IQCM: variants seen among roughly 807,000 people sequenced by gnomAD.
The protein encoded by IQCM is IQ motif containing M.
IQCM carries 45 observed loss-of-function variants against 57.6 expected under a neutral mutation model. The ratio of observed to expected loss-of-function variants is 0.78; its 90% CI spans 0.62 to 1.00. IQCM has a LOEUF of 1.00. Ranked by LOEUF, IQCM falls within the 50% of genes least tolerant of loss-of-function variation. The pLI, the probability that IQCM is intolerant of heterozygous loss-of-function variation, is 0.00. For synonymous variants in IQCM, 148 were observed against 158.9 expected (o/e 0.93, Z 0.51); for missense variants, 468 against 511.6 (o/e 0.91, Z 0.82).
At chr4:149,730,509 C>T (rs190578988) in intron 5 of IQCM, among the ~76,000 whole-genome samples, 12 of 152,282 alleles carry the variant, frequency 7.9e-5, no homozygotes, top group East Asian at 7.7e-4. Flanking sequence ...AATCACTCCC[C>T]AATCCTCATG....
intron 3 of IQCM, among the ~76,000 whole-genome samples, chr4:149,739,467 ATTT>A (rs5862894): frequency 8.0e-5 from 10 of 125,024 alleles, no homozygotes; most frequent in Middle Eastern, 3.6e-3. Flanking sequence ...TGTTTATATA[ATTT>A]TTTTTTTTTT....
rs374659827 is a variant in IQCM at position 149,664,870 on chromosome 4, C to T, written c.565+17248G>A. Reference sequence around the variant, plus strand: ...CAAGCTGGACATAGGCATACACAGCCTCAGTGGGCCAGCTGGCTATGCTAT... The same window carrying T: ...CAAGCTGGACATAGGCATACACAGCTTCAGTGGGCCAGCTGGCTATGCTAT... On this transcript the variant is annotated intron_variant, in intron 7 of 13. Transcript: ENST00000636793. Among the ~76,000 whole-genome samples the T allele has an allele frequency of 5.6e-4, 86 of 152,254 alleles. 2 individuals are homozygous for T. In the East Asian group the frequency reaches 0.015, roughly 27 times the overall value.
intron 7 of IQCM, among the ~76,000 whole-genome samples, chr4:149,636,063 A>C (rs1757692245): frequency 6.6e-6 from 1 of 152,216 alleles, no homozygotes; most frequent in Non-Finnish European, 1.5e-5. Flanking sequence ...TGTCATAAAA[A>C]AAGATCTTTC....
intron 13 of IQCM, among the ~76,000 whole-genome samples, chr4:149,395,287 G>T (rs1225051203): frequency 6.6e-6 from 1 of 151,996 alleles, no homozygotes; most frequent in South Asian, 2.1e-4. Flanking sequence ...AAAGTATTAG[G>T]GGTGTTGTGT....
At chr4:149,613,243 T>C (rs957419486) in intron 8 of IQCM, among the ~76,000 whole-genome samples, 3 of 151,856 alleles carry the variant, frequency 2.0e-5, no homozygotes, top group African/African-American at 7.2e-5. Flanking sequence ...GAAAATATGA[T>C]GAGGGAGAAA....
At chr4:149,794,826 T>C (rs1772970110) in intron 2 of IQCM, among the ~76,000 whole-genome samples, 1 of 152,132 alleles carries the variant, frequency 6.6e-6, no homozygotes, top group Admixed American at 6.5e-5. Context: ...TTTTGTTCTT[T>C]GGTAAATAAT....
rs10026998 is a variant in IQCM, at chr4:149,611,656, G to A, written c.681+9473C>T. On this transcript the variant is annotated intron_variant, in intron 8 of 13. Coordinates refer to ENST00000636793, the MANE Select transcript of IQCM (RefSeq NM_001363507.2). ...TAATTTTATCTCATGGAGAGAGGGAGTAAAATGATGGTTACCCAAGTCTGG... is the reference window on the plus strand; with the variant it reads ...TAATTTTATCTCATGGAGAGAGGGAATAAAATGATGGTTACCCAAGTCTGG... Among the ~76,000 whole-genome samples the A allele has an allele frequency of 6.3e-3, 959 of 152,166 alleles. 13 individuals carry two copies. The highest frequency in any genetic ancestry group is 0.022 in the African/African-American group (911 of 41,544).
chr4:149,531,117 T>C (rs1746702987), intron 12 of IQCM, among the ~76,000 whole-genome samples: 1 of 152,130 alleles, frequency 6.6e-6, no homozygotes, highest in African/African-American at 2.4e-5. Flanking sequence ...GCAGAAATGA[T>C]AGAGTAAGTT....
intron 7 of IQCM, among the ~76,000 whole-genome samples, chr4:149,662,952 T>C (rs1479485720): frequency 3.9e-5 from 6 of 151,950 alleles, no homozygotes; most frequent in Admixed American, 3.9e-4. Flanking sequence ...TTGTTCCTTG[T>C]TTTCTGATTG....
intron 7 of IQCM, among the ~76,000 whole-genome samples, chr4:149,659,966 C>T (rs1248495284): frequency 2.0e-5 from 3 of 151,366 alleles, no homozygotes; most frequent in Admixed American, 6.6e-5. Flanking sequence ...GCAACAAAAG[C>T]CAAAATTGAC....
At chr4:149,440,829 C>T (rs1413426840) in intron 12 of IQCM, among the ~76,000 whole-genome samples, 1 of 151,864 alleles carries the variant, frequency 6.6e-6, no homozygotes, top group Non-Finnish European at 1.5e-5. Flanking sequence ...CTTCGTTTTC[C>T]AGACTTATTT....
intron 12 of IQCM, among the ~76,000 whole-genome samples, chr4:149,446,557 C>T (rs765327072): frequency 8.6e-5 from 13 of 151,706 alleles, no homozygotes; most frequent in Middle Eastern, 3.4e-3. Context: ...CTAAAACATA[C>T]GCAAAACCAG....
At position 149,678,970 on chromosome 4, in the gene IQCM, A is replaced by T. The variant is rs1761976781; in HGVS notation, c.565+3148T>A. On this transcript the variant is annotated intron_variant, in intron 7 of 13. Coordinates refer to ENST00000636793, the MANE Select transcript of IQCM (RefSeq NM_001363507.2). ...TACAGACATTATTCAGAACAGTATG[A>T]AGTTTCCTTACAATTGCTAAAACTA... Among the ~76,000 whole-genome samples the T allele has an allele frequency of 2.0e-5, 3 of 151,774 alleles. No homozygotes were observed. In the South Asian group the frequency reaches 6.2e-4, roughly 31 times the overall value.
At chr4:149,780,387 T>G (rs2150007386) in intron 2 of IQCM, 1 of 152,060 alleles carries the variant, frequency 6.6e-6, no homozygotes, top group South Asian at 2.1e-4. Flanking sequence ...GCATGAAGAT[T>G]TCAAAACCCA....
At chr4:149,353,134 A>C (rs2110861694) in intron 13 of IQCM, among the ~76,000 whole-genome samples, 1 of 152,326 alleles carries the variant, frequency 6.6e-6, no homozygotes, top group South Asian at 2.1e-4. Flanking sequence ...GGACCTGAAT[A>C]GGCATTTTTC....
chr4:149,753,522 AGAAGTTGAT>A (rs2149942040), intron 2 of IQCM, among the ~76,000 whole-genome samples: 1 of 152,168 alleles, frequency 6.6e-6, no homozygotes, highest in African/African-American at 2.4e-5. Context: ...GGAGTTTCCC[AGAAGTTGAT>A]GAAATGAGAT....
intron 10 of IQCM, among the ~76,000 whole-genome samples, chr4:149,559,396 T>C (rs927313273): frequency 6.6e-6 from 1 of 152,178 alleles, no homozygotes; most frequent in African/African-American, 2.4e-5. Context: ...CTCCCAGCTA[T>C]GCCCCAGCCC....
intron 2 of IQCM, among the ~76,000 whole-genome samples, chr4:149,765,183 C>A (rs958690813): frequency 6.6e-6 from 1 of 152,004 alleles, no homozygotes; most frequent in African/African-American, 2.4e-5. Context: ...CTAGCTAATG[C>A]TGGGATCAGG....
intron 12 of IQCM, among the ~76,000 whole-genome samples, chr4:149,523,636 A>G (rs902333170): frequency 6.6e-6 from 1 of 152,168 alleles, no homozygotes; most frequent in Non-Finnish European, 1.5e-5. Flanking sequence ...AGCAATAATC[A>G]TTCACTGGAA....
Sources: allele counts gnomAD v4.1 joint callset (sites outside exome capture counted in the v4.1 genomes callset), GRCh38; gene constraint gnomAD v4.1.1; transcripts MANE v1.5; gene names NCBI Gene and HGNC (gene_info 2026-07-23, HGNC 2026-07-21).